ST13: variants seen among roughly 807,000 people sequenced by gnomAD.
ST13 encodes ST13 Hsp70 interacting protein.
Under a neutral mutation model 56.7 loss-of-function variants are expected in ST13, and 23 were observed. The ratio of observed to expected loss-of-function variants is 0.41; its 90% CI spans 0.29 to 0.57. The LOEUF is 0.57. Ranked by LOEUF, ST13 falls within the 20% of genes least tolerant of loss-of-function variation. The pLI is 0.36. For synonymous variants in ST13, 132 were observed against 142.4 expected, an observed-to-expected ratio of 0.93 and a Z score of 0.52; for missense variants, 369 against 459.9, an observed-to-expected ratio of 0.80 and a Z score of 1.81.
At chr22:40,833,246 C>T (rs1037919500) in intron 7 of ST13, among the ~76,000 whole-genome samples, 2 of 152,106 alleles carry the variant, frequency 1.3e-5, no homozygotes, top group South Asian at 2.1e-4. Context: ...GGAAATAAAG[C>T]AAATCCTAAA....
intron 1 of ST13, among the ~76,000 whole-genome samples, chr22:40,853,899 T>G (rs1202498787): frequency 6.6e-6 from 1 of 152,142 alleles, no homozygotes. Flanking sequence ...TGCTTCTGTC[T>G]CTAAAAAGGG....
intron 7 of ST13, among the ~76,000 whole-genome samples, chr22:40,834,405 G>A (rs572498689): frequency 2.0e-5 from 3 of 152,282 alleles, no homozygotes; most frequent in African/African-American, 7.2e-5. Flanking sequence ...CAGCATTGTA[G>A]TAAGTAAATG....
chr22:40,839,309 A>G (rs193007081), intron 5 of ST13, among the ~76,000 whole-genome samples: 34 of 152,346 alleles, frequency 2.2e-4, no homozygotes, highest in Non-Finnish European at 3.1e-4. Context: ...CTAATAATGA[A>G]GTCCAAATGC....
At position 40,856,413 on chromosome 22, in the gene ST13, C is replaced by T. The variant is rs1569008270; in HGVS notation, c.110+18G>A. On this transcript the variant is annotated intron_variant, in intron 1 of 11. Transcript: ENST00000216218. The stretch of plus-strand genomic sequence containing the variant: ...CGTGCTTCCCCCGCCCCCAACGGTC[C>T]TCAGGCCTGGGTCTCACCTCTCCAC... 2 of 1,606,956 alleles carry T rather than the reference C, an allele frequency of 1.2e-6. No individual in the cohort carries two copies. Among genetic ancestry groups the T allele is most frequent in the Non-Finnish European group, 1.7e-6 (2 of 1,173,716 alleles).
chr22:40,831,068 A>C, intron 8 of ST13, 112 bp from the exon 9 acceptor site: 1 of 739,994 alleles, frequency 1.4e-6, no homozygotes, highest in Non-Finnish European at 2.2e-6. Context: ...GAAAAATGAC[A>C]GATTTGTCTT....
chr22:40,833,618 A>G (rs1297179394), intron 7 of ST13, among the ~76,000 whole-genome samples: 1 of 150,854 alleles, frequency 6.6e-6, no homozygotes, highest in Non-Finnish European at 1.5e-5. Context: ...GCTCATGCCT[A>G]TTATCCTAGC....
At chr22:40,832,873 A>C (rs1185414726) in intron 7 of ST13, among the ~76,000 whole-genome samples, 1 of 152,232 alleles carries the variant, frequency 6.6e-6, no homozygotes, top group Non-Finnish European at 1.5e-5. Flanking sequence ...AATTTCCTCT[A>C]TTTAAAGCTG....
chr22:40,829,892 T>C (rs1193244413), intron 9 of ST13, among the ~76,000 whole-genome samples: 2 of 152,220 alleles, frequency 1.3e-5, no homozygotes, highest in Non-Finnish European at 2.9e-5. Flanking sequence ...GTGTTTTACT[T>C]CTACTCTGGA....
chr22:40,835,678 A>G lies in ST13; in HGVS notation c.468-8T>C, dbSNP rs528254823. Reference sequence around the variant, plus strand: ...TGTAATTTGACGAAGACACTGAAAAATAAGTGTGTTATTAAAAAGTATTCA... The same window carrying G: ...TGTAATTTGACGAAGACACTGAAAAGTAAGTGTGTTATTAAAAAGTATTCA... On this transcript the variant is annotated splice_region_variant and splice_polypyrimidine_tract_variant and intron_variant, in intron 6 of 11. Coordinates refer to ENST00000216218, the MANE Select transcript of ST13 (RefSeq NM_003932.5). 343 of 1,610,192 alleles carry G rather than the reference A, an allele frequency of 2.1e-4. 6 individuals are homozygous for G. In the South Asian group the frequency reaches 3.5e-3, roughly 17 times the overall value.
intron 2 of ST13, among the ~76,000 whole-genome samples, chr22:40,849,335 G>A (rs1009593637): frequency 2.6e-5 from 4 of 151,794 alleles, no homozygotes; most frequent in South Asian, 2.1e-4. Context: ...AAAATTAGCC[G>A]GACGTGGTGG....
At chr22:40,842,037 T>C (rs754585386) in intron 4 of ST13, among the ~76,000 whole-genome samples, 27 of 152,374 alleles carry the variant, frequency 1.8e-4, no homozygotes, top group Non-Finnish European at 3.4e-4. Context: ...GGTATAAACC[T>C]GTCCTACAGA....
chr22:40,842,170 A>G (rs2057807894), intron 4 of ST13, among the ~76,000 whole-genome samples: 1 of 152,242 alleles, frequency 6.6e-6, no homozygotes, highest in African/African-American at 2.4e-5. Context: ...CACCATGCTG[A>G]GACTTTCAAG....
chr22:40,849,472 T>A (rs1304691615), intron 2 of ST13, among the ~76,000 whole-genome samples: 2 of 119,942 alleles, frequency 1.7e-5, no homozygotes, highest in South Asian at 2.6e-4. Flanking sequence ...AGAGTGAGAC[T>A]CTGTCTCAAA....
intron 1 of ST13, among the ~76,000 whole-genome samples, chr22:40,851,476 A>C (rs1286269246): frequency 6.6e-6 from 1 of 152,160 alleles, no homozygotes; most frequent in African/African-American, 2.4e-5. Context: ...TTCTTTCCCA[A>C]ATAGTTCAGG....
intron 3 of ST13, among the ~76,000 whole-genome samples, chr22:40,846,592 CT>C (rs1255677512): frequency 2.0e-5 from 3 of 152,108 alleles, no homozygotes; most frequent in African/African-American, 7.2e-5. Context: ...GTTTTAGAAA[CT>C]GGTAGAAAGT....
intron 4 of ST13, among the ~76,000 whole-genome samples, chr22:40,843,682 GAAGAT>G (rs2057815897): frequency 6.6e-6 from 1 of 152,104 alleles, no homozygotes; most frequent in Non-Finnish European, 1.5e-5. Flanking sequence ...AAAGATGAGT[GAAGAT>G]GAGTCACAAA....
Position 40,832,509 on chromosome 22 carries a change from T to C in ST13, c.681+60A>G. ...CAGATGAATTACAGCTGTCGGGGGC[T>C]AAGCACTACAGCGATGGAGTATTTA... On this transcript the variant is annotated intron_variant, in intron 8 of 11. Coordinates refer to ENST00000216218, the MANE Select transcript of ST13 (RefSeq NM_003932.5). The C allele has an allele frequency of 2.4e-6, 3 of 1,230,246 alleles. No individual in the cohort carries two copies. The Admixed American group carries it at 5.1e-5, about 21-fold the overall frequency. 76.2% of individuals were successfully genotyped at this position (1,230,246 alleles called of 1,614,324 possible). A position where few individuals can be genotyped will look rare whatever the true frequency, so the allele number is the denominator to read the frequency against.
At chr22:40,855,570 A>C (rs1159276476) in intron 1 of ST13, among the ~76,000 whole-genome samples, 1 of 152,168 alleles carries the variant, frequency 6.6e-6, no homozygotes, top group Admixed American at 6.5e-5. Context: ...CCCCATTAGT[A>C]ATAATTTTTT....
chr22:40,825,364 A>G lies in ST13; in HGVS notation c.*1174T>C, dbSNP rs1358603252. 1 of 152,210 alleles carries G rather than the reference A, an allele frequency of 6.6e-6. No individual in the cohort carries two copies. The highest frequency in any genetic ancestry group is 6.5e-5 in the Admixed American group (1 of 15,280). The allele number at this position is 152,210 out of a possible 1,614,324, so 9.4% of individuals were successfully genotyped here. A position where few individuals can be genotyped will look rare whatever the true frequency, so the allele number is the denominator to read the frequency against. ...ATTTAATTCAAACCTTATCTTCAGA[A>G]TACAAAGATGAATACTACAAGATAA... is the stretch of plus-strand genomic sequence containing the variant. On this transcript the variant is annotated 3_prime_UTR_variant, in exon 12 of 12. Coordinates refer to ENST00000216218, the MANE Select transcript of ST13 (RefSeq NM_003932.5).
Sources: gnomAD v4.1 joint callset for allele counts (sites outside exome capture counted in the v4.1 genomes callset) on GRCh38, gnomAD v4.1.1 for gene constraint, MANE v1.5 for transcripts, NCBI Gene and HGNC (gene_info 2026-07-23, HGNC 2026-07-21) for gene names.